LEKR1: variants seen among roughly 807,000 people sequenced by gnomAD.
LEKR1 encodes protein LEKR1.
A neutral mutation model predicts 72.4 loss-of-function variants in LEKR1; 59 were observed. The ratio of observed to expected loss-of-function variants is 0.82; its 90% CI spans 0.66 to 1.01. LEKR1 has a LOEUF of 1.01. LEKR1 is among the 50% of genes least tolerant of loss of function. The probability of loss-of-function intolerance (pLI) is 0.00; values close to 1 mark genes in which losing one functional copy is unlikely to be tolerated. For synonymous variants in LEKR1, 257 were observed against 263.2 expected (o/e 0.98, Z 0.23); for missense variants, 728 against 759.2 (o/e 0.96, Z 0.48).
At chr3:156,968,689 C>G (rs1182727669) in intron 6 of LEKR1, among the ~76,000 whole-genome samples, 1 of 152,128 alleles carries the variant, frequency 6.6e-6, no homozygotes, top group African/African-American at 2.4e-5. Flanking sequence ...TTTAACACCC[C>G]ACTGTCAACA....
intron 6 of LEKR1, among the ~76,000 whole-genome samples, chr3:156,968,471 C>T (rs1728836207): frequency 6.6e-6 from 1 of 152,150 alleles, no homozygotes; most frequent in African/African-American, 2.4e-5. Flanking sequence ...GCAGGAGTTG[C>T]AATCCTAGTC....
intron 12 of LEKR1, among the ~76,000 whole-genome samples, chr3:157,036,748 G>A (rs1482857): frequency 0.55 from 83,099 of 151,990 alleles, 26,337 homozygotes; most frequent in South Asian, 0.78. Flanking sequence ...CAAAAGAATG[G>A]AAGTTTCTTA....
chr3:157,015,392 C>G (rs1733228479), intron 10 of LEKR1, among the ~76,000 whole-genome samples: 1 of 152,104 alleles, frequency 6.6e-6, no homozygotes, highest in Admixed American at 6.5e-5. Flanking sequence ...TTGCACATGG[C>G]CAGTAATTTG....
chr3:156,887,938 T>C (rs1280097166), intron 3 of LEKR1, among the ~76,000 whole-genome samples: 1 of 152,238 alleles, frequency 6.6e-6, no homozygotes, highest in African/African-American at 2.4e-5. Context: ...TCATTGTTAC[T>C]ATTTTGACAA....
At chr3:156,949,972 G>A (rs1214782967) in intron 6 of LEKR1, among the ~76,000 whole-genome samples, 1 of 151,112 alleles carries the variant, frequency 6.6e-6, no homozygotes, top group Non-Finnish European at 1.5e-5. Flanking sequence ...TCTGTTTCTT[G>A]AAAGTTTGGT....
intron 3 of LEKR1, among the ~76,000 whole-genome samples, chr3:156,857,440 C>A (rs1343293965): frequency 1.3e-5 from 2 of 151,990 alleles, no homozygotes; most frequent in African/African-American, 2.4e-5. Flanking sequence ...TTATCACTTG[C>A]CATAAATAGA....
At position 157,045,418 on chromosome 3, in the gene LEKR1, G is replaced by GAAC. The variant is rs757322064; in HGVS notation, c.1749_1751dup (p.Gln584dup). 1 of 1,613,998 alleles carries GAAC rather than the reference G, an allele frequency of 6.2e-7. No individual in the cohort carries two copies. Among genetic ancestry groups the GAAC allele is most frequent in the East Asian group, 2.2e-5 (1 of 44,898 alleles). ...GACAGAGGCTTTGAGTCAAGCCAGAGAACAGCTCCTGGAGCTCAGTAAGCT... is the reference window on the plus strand; with the variant it reads ...GACAGAGGCTTTGAGTCAAGCCAGAGAACAACAGCTCCTGGAGCTCAGTAAGCT... On this transcript the variant is annotated inframe_insertion, in exon 13 of 13. Transcript: ENST00000356539.
intron 12 of LEKR1, among the ~76,000 whole-genome samples, chr3:157,035,501 C>A (rs1734896201): frequency 6.6e-6 from 1 of 152,092 alleles, no homozygotes; most frequent in Non-Finnish European, 1.5e-5. Context: ...TTCCCAGTAC[C>A]CTTCACACTC....
chr3:157,037,262 C>T (rs1560163392), intron 12 of LEKR1, among the ~76,000 whole-genome samples: 1 of 152,062 alleles, frequency 6.6e-6, no homozygotes, highest in Non-Finnish European at 1.5e-5. Flanking sequence ...GGAGGCAGGA[C>T]TTGGAAATGT....
intron 3 of LEKR1, among the ~76,000 whole-genome samples, chr3:156,881,354 T>C (rs1560048155): frequency 6.6e-6 from 1 of 151,778 alleles, no homozygotes; most frequent in Non-Finnish European, 1.5e-5. Flanking sequence ...TATACACCAA[T>C]AACAGACAAA....
rs1035983941 is a variant in LEKR1, at chr3:156,942,687, T to A, written c.718T>A (p.Cys240Ser). ...RQQEVNLQTR[C>S]YDLQKEVLDL... ...ACAGGAAGTAAACTTGCAAACCAGATGCTATGATTTGCAAAAAGAAGTACT... is the reference window on the plus strand; with the variant it reads ...ACAGGAAGTAAACTTGCAAACCAGAAGCTATGATTTGCAAAAAGAAGTACT... Residue 240 changes from cysteine (C) to serine (S), a missense_variant, in exon 6 of 13, where the codon TGC becomes AGC. Physicochemically the swap from Cys to Ser is moderately radical, Grantham distance 112. Coordinates refer to ENST00000356539, the MANE Select transcript of LEKR1 (RefSeq NM_001004316.3). 1 of 1,255,596 alleles carries A rather than the reference T, an allele frequency of 8.0e-7. No individual in the cohort carries two copies. Among genetic ancestry groups the A allele is most frequent in the African/African-American group, 1.6e-5 (1 of 62,512 alleles). The allele number at this position is 1,255,596 out of a possible 1,614,324, so 77.8% of individuals were successfully genotyped here.
intron 5 of LEKR1, 134 bp from the exon 6 acceptor site, chr3:156,942,395 A>G: frequency 3.2e-6 from 1 of 312,386 alleles, no homozygotes; most frequent in Non-Finnish European, 6.0e-6. Context: ...CTTTTTAGTT[A>G]GATGTCATTA....
At chr3:156,837,580 G>A (rs887277169) in intron 2 of LEKR1, among the ~76,000 whole-genome samples, 6 of 152,194 alleles carry the variant, frequency 3.9e-5, no homozygotes, top group African/African-American at 1.4e-4. Context: ...CTAGGCCCTT[G>A]TTCTATCCTA....
intron 5 of LEKR1, among the ~76,000 whole-genome samples, chr3:156,938,941 G>A (rs150274190): frequency 5.9e-5 from 9 of 152,276 alleles, no homozygotes; most frequent in African/African-American, 1.2e-4. Context: ...AATTGATTGC[G>A]TAAGCTTAAC....
rs376830202 is a variant in LEKR1 at position 156,987,479 on chromosome 3, G to A, written c.828-5174G>A. On this transcript the variant is annotated intron_variant, in intron 7 of 12. Transcript: ENST00000356539. ...GTCTGAACATACAGTGAAAGTTGTG[G>A]TAGGGCTGCTGAATCTCAAAGGCAT... is the stretch of plus-strand genomic sequence containing the variant. Among the ~76,000 whole-genome samples the A allele has an allele frequency of 1.6e-4, 25 of 152,306 alleles. No individual in the cohort carries two copies. In the South Asian group the frequency reaches 3.9e-3, roughly 24 times the overall value.
At chr3:156,906,109 C>A (rs1299073645) in intron 3 of LEKR1, among the ~76,000 whole-genome samples, 1 of 152,016 alleles carries the variant, frequency 6.6e-6, no homozygotes, top group Non-Finnish European at 1.5e-5. Context: ...GTGGTAAAAT[C>A]CTCGATGATG....
intron 4 of LEKR1, among the ~76,000 whole-genome samples, chr3:156,923,600 C>CT (rs1354125535): frequency 1.3e-5 from 2 of 152,142 alleles, no homozygotes; most frequent in African/African-American, 4.8e-5. Flanking sequence ...ATTGTTTCCA[C>CT]TTGTTGGTGC....
At chr3:156,891,594 C>G (rs1052942968) in intron 3 of LEKR1, among the ~76,000 whole-genome samples, 4 of 152,120 alleles carry the variant, frequency 2.6e-5, no homozygotes, top group Non-Finnish European at 5.9e-5. Flanking sequence ...TTGTCACTTC[C>G]CATAACTCAA....
intron 3 of LEKR1, among the ~76,000 whole-genome samples, chr3:156,890,740 G>C (rs1170544528): frequency 6.6e-6 from 1 of 152,022 alleles, no homozygotes; most frequent in South Asian, 2.1e-4. Context: ...TGGTAATTGA[G>C]ATCAGTGTGA....
Sources: allele counts gnomAD v4.1 joint callset (sites outside exome capture counted in the v4.1 genomes callset), GRCh38; gene constraint gnomAD v4.1.1; transcripts MANE v1.5; gene names NCBI Gene and HGNC (gene_info 2026-07-23, HGNC 2026-07-21).